Variants in INO80D observed in about 807,000 individuals in gnomAD.
INO80D encodes INO80 complex subunit D.
INO80D carries 21 observed loss-of-function variants against 87.6 expected under a neutral mutation model. The observed-to-expected ratio is 0.24, with a 90% confidence interval of 0.17 to 0.35. The LOEUF (loss-of-function observed/expected upper bound fraction) is 0.35. INO80D is among the 10% of genes least tolerant of loss of function. The pLI, the probability that INO80D is intolerant of heterozygous loss-of-function variation, is 1.00. For missense variants in INO80D, 982 were observed against 1,280.7 expected (o/e 0.77, Z 3.56); for synonymous variants, 440 against 491.0 (o/e 0.90, Z 1.37).
chr2:206,054,695 G>A (rs1323479639), intron 4 of INO80D, among the ~76,000 whole-genome samples: 1 of 151,906 alleles, frequency 6.6e-6, no homozygotes, highest in African/African-American at 2.4e-5. Flanking sequence ...TGCATTTTTA[G>A]TAGGGACAGG....
At chr2:206,025,184 T>A (rs1688571542) in intron 6 of INO80D, among the ~76,000 whole-genome samples, 1 of 152,064 alleles carries the variant, frequency 6.6e-6, no homozygotes, top group African/African-American at 2.4e-5. Context: ...TTCTGGTACA[T>A]AAATTCCTAA....
chr2:206,050,122 G>C (rs750087263), intron 4 of INO80D, among the ~76,000 whole-genome samples: 1 of 151,628 alleles, frequency 6.6e-6, no homozygotes, highest in Non-Finnish European at 1.5e-5. Flanking sequence ...AACACAGCGA[G>C]ACTCTATCTC....
At chr2:206,078,642 A>G (rs1203248523) in intron 1 of INO80D, among the ~76,000 whole-genome samples, 1 of 135,230 alleles carries the variant, frequency 7.4e-6, no homozygotes, top group Non-Finnish European at 1.6e-5. Flanking sequence ...ATTTAAACAA[A>G]AACAACAAAA....
Position 206,003,497 on chromosome 2 carries a change from G to C in INO80D, c.*871C>G, listed in dbSNP as rs991792036. On this transcript the variant is annotated 3_prime_UTR_variant, in exon 11 of 11. Coordinates refer to ENST00000403263, the MANE Select transcript of INO80D (RefSeq NM_017759.5). ...CCCCGGCAGCCTGCAGTCATCCCAG[G>C]CAAGCTTTTTAGGACATCCCTACCT... is the stretch of plus-strand genomic sequence containing the variant. 2 of 152,300 alleles carry C rather than the reference G, an allele frequency of 1.3e-5. No homozygotes were observed. Among genetic ancestry groups the C allele is most frequent in the African/African-American group, 4.8e-5 (2 of 41,568 alleles). The allele number at this position is 152,300 out of a possible 1,614,324, so 9.4% of individuals were successfully genotyped here. A position where few individuals can be genotyped will look rare whatever the true frequency, so the allele number is the denominator to read the frequency against.
At chr2:206,057,370 A>T (rs1163305923) in intron 3 of INO80D, among the ~76,000 whole-genome samples, 1 of 152,240 alleles carries the variant, frequency 6.6e-6, no homozygotes, top group Non-Finnish European at 1.5e-5. Context: ...AGCTCTTATG[A>T]CATAAAACCC....
chr2:206,063,731 C>A (rs1167241432), intron 1 of INO80D: 1 of 152,130 alleles, frequency 6.6e-6, no homozygotes, highest in Non-Finnish European at 1.5e-5. Flanking sequence ...CTTATCCCCC[C>A]AAATTGAACT....
At chr2:206,069,047 G>C (rs1689892876) in intron 1 of INO80D, among the ~76,000 whole-genome samples, 1 of 151,982 alleles carries the variant, frequency 6.6e-6, no homozygotes, top group Non-Finnish European at 1.5e-5. Flanking sequence ...TTATAATTTT[G>C]TATTTATGAC....
intron 5 of INO80D, among the ~76,000 whole-genome samples, chr2:206,036,873 C>T (rs1056603428): frequency 1.5e-4 from 23 of 152,264 alleles, no homozygotes; most frequent in African/African-American, 5.5e-4. Context: ...TTATCACAGA[C>T]CAGTAACAAG....
intron 6 of INO80D, among the ~76,000 whole-genome samples, chr2:206,022,763 G>T (rs944786913): frequency 6.6e-6 from 1 of 152,076 alleles, no homozygotes; most frequent in Non-Finnish European, 1.5e-5. Context: ...ACCCAGGCTG[G>T]AGTGCAATGG....
chr2:206,047,795 G>A (rs976101231), intron 4 of INO80D, among the ~76,000 whole-genome samples: 1 of 152,078 alleles, frequency 6.6e-6, no homozygotes, highest in Non-Finnish European at 1.5e-5. Context: ...TACCTTCCAT[G>A]GGAAGATGGA....
In INO80D at chr2:205,996,056, T is replaced by C. The variant is rs1687802021; in HGVS notation, c.*8312A>G. On this transcript the variant is annotated 3_prime_UTR_variant, in exon 11 of 11. Coordinates refer to ENST00000403263, the MANE Select transcript of INO80D (RefSeq NM_017759.5). Reference sequence around the variant, plus strand: ...AATCATAATTATGTTCTTTTGTAATTTAAGTAAAATGTCCCCAAATTATTG... The same window carrying C: ...AATCATAATTATGTTCTTTTGTAATCTAAGTAAAATGTCCCCAAATTATTG... The C allele has an allele frequency of 6.6e-6, 1 of 152,118 alleles. No individual in the cohort carries two copies. The highest frequency in any genetic ancestry group is 2.1e-4 in the South Asian group (1 of 4,832). The allele number at this position is 152,118 out of a possible 1,614,324, so 9.4% of individuals were successfully genotyped here.
intron 5 of INO80D, among the ~76,000 whole-genome samples, chr2:206,037,366 C>T (rs1168302436): frequency 6.6e-6 from 1 of 151,982 alleles, no homozygotes. Flanking sequence ...TTAAGACAAC[C>T]AAACAGCAAA....
rs1689724358 is a variant in INO80D at position 206,062,927 on chromosome 2, G to A, written c.90C>T (p.Leu30=). The change falls in exon 3 of 11, where the codon CTC becomes CTT. Residue 30 remains leucine (L), a synonymous_variant. Coordinates refer to ENST00000403263, the MANE Select transcript of INO80D (RefSeq NM_017759.5). The surrounding 1 kb of genome is among the most constrained non-coding windows in gnomAD (Gnocchi z 4.6). The stretch of plus-strand genomic sequence containing the variant: ...GTCTGATACAGAAGGCGTAGCCGTT[G>A]AGTCGCCTCTGCTTGCACAGTTTGG... ...YSPKLCKQRR[L]NGYAFCIRHV... 1 of 1,613,428 alleles carries A rather than the reference G, an allele frequency of 6.2e-7. No homozygotes were observed. The highest frequency in any genetic ancestry group is 8.5e-7 in the Non-Finnish European group (1 of 1,179,772).
intron 8 of INO80D, among the ~76,000 whole-genome samples, chr2:206,010,509 T>C (rs1303724180): frequency 1.3e-5 from 2 of 152,170 alleles, no homozygotes; most frequent in Non-Finnish European, 2.9e-5. Flanking sequence ...GCAACATTTT[T>C]TTTCTTTCTT....
At chr2:206,040,442 G>A (rs1031685465) in intron 5 of INO80D, 1 of 205,312 alleles carries the variant, frequency 4.9e-6, no homozygotes, top group Admixed American at 4.5e-5. Context: ...ATGGGCAAGT[G>A]CATGAAACCT....
chr2:206,067,561 A>G (rs1214635567), intron 1 of INO80D, among the ~76,000 whole-genome samples: 1 of 152,132 alleles, frequency 6.6e-6, no homozygotes, highest in African/African-American at 2.4e-5. Context: ...ACATCACTAT[A>G]TACCCCACAA....
chr2:206,059,939 C>T (rs148719238), intron 3 of INO80D, among the ~76,000 whole-genome samples: 138 of 152,280 alleles, frequency 9.1e-4, no homozygotes, highest in African/African-American at 3.1e-3. Flanking sequence ...CGTGGTGGCT[C>T]ATGTCTATAA....
At chr2:206,045,847 A>G (rs1689179288) in intron 5 of INO80D, among the ~76,000 whole-genome samples, 1 of 152,228 alleles carries the variant, frequency 6.6e-6, no homozygotes, top group Admixed American at 6.5e-5. Context: ...GAGAGGCAAG[A>G]TAGTGGGACT....
In INO80D at chr2:205,994,731, T is replaced by C. The variant is rs1266424326; in HGVS notation, c.*9637A>G. ...TCTTGAGATGTAATCTGCTGCCAAC[T>C]CTTCACAAAATAAAATAATATTTAA... is the stretch of plus-strand genomic sequence containing the variant. On this transcript the variant is annotated 3_prime_UTR_variant, in exon 11 of 11. Transcript: ENST00000403263. The C allele has an allele frequency of 3.9e-5, 6 of 152,154 alleles. No individual in the cohort carries two copies. The highest frequency in any genetic ancestry group is 1.2e-4 in the African/African-American group (5 of 41,422). 9.4% of individuals were successfully genotyped at this position (152,154 alleles called of 1,614,324 possible).
Sources: gnomAD v4.1 joint callset for allele counts (sites outside exome capture counted in the v4.1 genomes callset) on GRCh38, gnomAD v4.1.1 for gene constraint, Gnocchi (gnomAD v3.1) non-coding constraint, MANE v1.5 for transcripts, NCBI Gene and HGNC (gene_info 2026-07-23, HGNC 2026-07-21) for gene names.